The following CACTIN variants were observed in gnomAD, a reference collection of about 807,000 sequenced individuals.
CACTIN encodes cactin, spliceosome C complex subunit, also known as splicing factor Cactin.
CACTIN carries 20 observed loss-of-function variants against 84.9 expected under a neutral mutation model. The ratio of observed to expected loss-of-function variants is 0.24; its 90% confidence interval spans 0.17 to 0.34. CACTIN has a LOEUF of 0.34. CACTIN is among the 10% of genes least tolerant of loss of function. CACTIN has a pLI of 1.00. For missense variants in CACTIN, 897 were observed against 1,117.2 expected, an observed-to-expected ratio of 0.80 and a Z score of 2.81; for synonymous variants, 549 against 467.9, an observed-to-expected ratio of 1.17 and a Z score of -2.24.
chr19:3,613,751 G>C, intron 7 of CACTIN, 165 bp from the exon 8 acceptor site: 1 of 958,798 alleles, frequency 1.0e-6, no homozygotes, highest in Non-Finnish European at 1.5e-6. Flanking sequence ...TCAGGGTCAA[G>C]GCTTATGGGA....
chr19:3,619,382 G>GGAGGAGGAGGAGGAGGCAT (rs2033175399), intron 4 of CACTIN, 140 bp from the exon 5 acceptor site: 1 of 897,766 alleles, frequency 1.1e-6, no homozygotes, highest in Non-Finnish European at 1.7e-6. Context: ...GCTTCCTGGA[G>GGAGGAGGAGGAGGAGGCAT]GAGGAGGAGG....
chr19:3,619,274 C>T (rs192047681), intron 4 of CACTIN, 32 bp from the exon 5 acceptor site: 1 of 1,603,776 alleles, frequency 6.2e-7, no homozygotes, highest in African/African-American at 1.3e-5. Flanking sequence ...GGCATCAGAG[C>T]CTGGGCTGTG....
At chr19:3,614,748 C>T in intron 6 of CACTIN, 159 bp from the exon 7 acceptor site, 1 of 653,362 alleles carries the variant, frequency 1.5e-6, no homozygotes, top group Non-Finnish European at 2.7e-6. Context: ...CTCAGGTTGT[C>T]CCCACCCTGG....
intron 2 of CACTIN, among the ~76,000 whole-genome samples, chr19:3,623,426 G>A (rs533498995): frequency 1.3e-5 from 2 of 150,472 alleles, no homozygotes; most frequent in Non-Finnish European, 3.0e-5. Context: ...CTACTCAGGA[G>A]GCTGAGGCAG....
At chr19:3,620,846 C>T in intron 2 of CACTIN, 44 bp from the exon 3 acceptor site, 1 of 1,488,092 alleles carries the variant, frequency 6.7e-7, no homozygotes, top group Non-Finnish European at 9.3e-7. Context: ...GACCCGCCCC[C>T]TCGCCCCCCT....
chr19:3,626,506 G>T (rs1293763672), intron 1 of CACTIN, 90 bp downstream of exon 1: 1 of 1,226,408 alleles, frequency 8.2e-7, no homozygotes, highest in Non-Finnish European at 1.0e-6. Flanking sequence ...TAAGTCGGGG[G>T]TTTCCCGGTT....
Position 3,618,636 on chromosome 19 carries a change from G to A in CACTIN, c.1162+239C>T, listed in dbSNP as rs368811246. Among the ~76,000 whole-genome samples, 88 of 152,346 alleles carry A rather than the reference G, an allele frequency of 5.8e-4. 1 individual carries two copies. In the East Asian group the frequency reaches 0.013, roughly 23 times the overall value. The stretch of plus-strand genomic sequence containing the variant: ...CCGGCACCGCCGAGTCAGCGTTAAC[G>A]GGACGCTGGGTCTGGACGCTGCTGG... On this transcript the variant is annotated intron_variant, in intron 6 of 9. Transcript: ENST00000429344.
chr19:3,625,049 C>T (rs932372115), intron 1 of CACTIN, among the ~76,000 whole-genome samples: 4 of 152,136 alleles, frequency 2.6e-5, no homozygotes, highest in African/African-American at 4.8e-5. Context: ...CACCACCACG[C>T]CCAGGTAACT....
chr19:3,618,873 AC>A lies in CACTIN; in HGVS notation c.1162+1del, dbSNP rs1355847157. The A allele has an allele frequency of 6.5e-7, 1 of 1,549,710 alleles. No homozygotes were observed. Among genetic ancestry groups the A allele is most frequent in the East Asian group, 2.4e-5 (1 of 40,980 alleles). The stretch of plus-strand genomic sequence containing the variant: ...GGAGCCCAGGCCCATGCCCGCCGTT[AC>A]CTGGCCCCTTGCCCGAGGCCTCCAG... On this transcript the variant is annotated splice_donor_variant, in intron 6 of 9. Coordinates refer to ENST00000429344, the MANE Select transcript of CACTIN (RefSeq NM_001080543.2). LOFTEE classifies it high-confidence loss of function.
chr19:3,617,378 G>A (rs112939951), intron 6 of CACTIN, among the ~76,000 whole-genome samples: 17 of 152,350 alleles, frequency 1.1e-4, no homozygotes, highest in African/African-American at 3.6e-4. Context: ...AAGACCCCTC[G>A]GTTCCCTACT....
chr19:3,623,378 A>AC (rs2033265165), intron 2 of CACTIN, among the ~76,000 whole-genome samples: 1 of 152,054 alleles, frequency 6.6e-6, no homozygotes, highest in Admixed American at 6.6e-5. Flanking sequence ...AAATACAAAA[A>AC]ATTAGCCGGG....
Position 3,619,255 on chromosome 19 carries a change from G to T in CACTIN, c.885-13C>A. On this transcript the variant is annotated splice_polypyrimidine_tract_variant and intron_variant, in intron 4 of 9. Coordinates refer to ENST00000429344, the MANE Select transcript of CACTIN (RefSeq NM_001080543.2). ...GCGGATCTTGGAACTGTGGGGAGCA[G>T]GGGAAGGTGGCATCAGAGCCTGGGC... The T allele has an allele frequency of 6.2e-7, 1 of 1,610,822 alleles. No individual in the cohort carries two copies. The highest frequency in any genetic ancestry group is 8.5e-7 in the Non-Finnish European group (1 of 1,178,844).
Position 3,614,387 on chromosome 19 carries a change from T to C in CACTIN, c.1355+10A>G, listed in dbSNP as rs1012257609. On this transcript the variant is annotated intron_variant, in intron 7 of 9. Coordinates refer to ENST00000429344, the MANE Select transcript of CACTIN (RefSeq NM_001080543.2). The stretch of plus-strand genomic sequence containing the variant: ...CGGCACCAACCCTGGTACCCGCACC[T>C]AGTGCTCACCGGGCCCGTGCCATGT... The C allele has an allele frequency of 1.9e-6, 3 of 1,562,770 alleles. No individual in the cohort carries two copies. Among genetic ancestry groups the C allele is most frequent in the African/African-American group, 2.7e-5 (2 of 73,634 alleles).
chr19:3,620,311 G>T (rs559776691), intron 3 of CACTIN, 39 bp from the exon 4 acceptor site: 35 of 1,539,212 alleles, frequency 2.3e-5, no homozygotes, highest in African/African-American at 2.7e-5. Context: ...GGGACCGTGC[G>T]GTCTGCAGGG....
In CACTIN at chr19:3,619,658, G is replaced by A. The variant is rs534289047; in HGVS notation, c.885-416C>T. 6.6e-5 allele frequency among the ~76,000 whole-genome samples: 10 copies of A among 152,308 alleles called. 1 individual carries two copies. Among genetic ancestry groups the A allele is most frequent in the Admixed American group, 2.0e-4 (3 of 15,302 alleles). ...GGCAGACCACTCGGGGCAGAGAGCC[G>A]GGTTTCTGTTCTGGGCCTGCAGGGG... On this transcript the variant is annotated intron_variant, in intron 4 of 9. Coordinates refer to ENST00000429344, the MANE Select transcript of CACTIN (RefSeq NM_001080543.2).
At chr19:3,614,294 G>T in intron 7 of CACTIN, 103 bp downstream of exon 7, 1 of 1,170,916 alleles carries the variant, frequency 8.5e-7, no homozygotes, top group Non-Finnish European at 1.2e-6. Context: ...CACCCCACAT[G>T]GTCCCAGGAG....
chr19:3,612,885 G>A (rs1346356272), intron 9 of CACTIN, 173 bp downstream of exon 9: 9 of 827,390 alleles, frequency 1.1e-5, no homozygotes, highest in South Asian at 7.2e-5. Context: ...ATGAATGAAG[G>A]AACGCCCCAG....
At position 3,611,525 on chromosome 19, in the gene CACTIN, C is replaced by G; in HGVS notation, c.*398G>C. ...CCAAGCCCAGGCCCCTCTGGCCCATCTCCACAACACCCTGTGTGGCCGCCA... is the reference window on the plus strand; with the variant it reads ...CCAAGCCCAGGCCCCTCTGGCCCATGTCCACAACACCCTGTGTGGCCGCCA... On this transcript the variant is annotated 3_prime_UTR_variant, in exon 10 of 10. Coordinates refer to ENST00000429344, the MANE Select transcript of CACTIN (RefSeq NM_001080543.2). 1 of 361,806 alleles carries G rather than the reference C, an allele frequency of 2.8e-6. No individual in the cohort carries two copies. Among genetic ancestry groups the G allele is most frequent in the Non-Finnish European group, 5.4e-6 (1 of 186,542 alleles). The allele number at this position is 361,806 out of a possible 1,614,324, so 22.4% of individuals were successfully genotyped here. A position where few individuals can be genotyped will look rare whatever the true frequency, so the allele number is the denominator to read the frequency against.
chr19:3,620,909 G>T (rs762596633), intron 2 of CACTIN, 107 bp from the exon 3 acceptor site: 1 of 855,046 alleles, frequency 1.2e-6, no homozygotes, highest in Non-Finnish European at 1.9e-6. Context: ...TGCAGAGAGA[G>T]GTGACCTGCC....
Sources: allele counts gnomAD v4.1 joint callset (sites outside exome capture counted in the v4.1 genomes callset), GRCh38; gene constraint gnomAD v4.1.1; transcripts MANE v1.5; gene names NCBI Gene and HGNC (gene_info 2026-07-23, HGNC 2026-07-21).